Variants in DNAH11 observed in about 807,000 individuals in gnomAD.
DNAH11 encodes the protein axonemal beta dynein heavy chain 11.
DNAH11 carries 442 observed loss-of-function variants against 526.0 expected under a neutral mutation model. That is an observed-to-expected ratio of 0.84 (90% CI 0.78 to 0.91). The LOEUF is 0.91. DNAH11 is among the 40% of genes least tolerant of loss of function. The pLI is 0.00. For missense variants in DNAH11, 6,989 were observed against 5,448.7 expected, an observed-to-expected ratio of 1.28 and a Z score of -8.90; for synonymous variants, 2,461 against 1,935.9, an observed-to-expected ratio of 1.27 and a Z score of -7.12.
At chr7:21,840,906 G>T (rs1171638616) in intron 65 of DNAH11, among the ~76,000 whole-genome samples, 1 of 152,196 alleles carries the variant, frequency 6.6e-6, no homozygotes, top group Admixed American at 6.5e-5. Context: ...GTTGGGCTGG[G>T]TGAGGTGCCT....
chr7:21,855,095 G>A (rs10255090), intron 68 of DNAH11, among the ~76,000 whole-genome samples: 13,985 of 144,542 alleles, frequency 0.097, 1,990 homozygotes, highest in African/African-American at 0.3. Context: ...GCAGTGGCGC[G>A]ATCTTGGCTC....
In DNAH11 at chr7:21,543,345, G is replaced by T. The variant is rs2285943; in HGVS notation, c.100G>T (p.Glu34Ter). Residue 34 changes from glutamate to a stop codon, truncating the protein, a stop_gained, in exon 1 of 82, where the codon GAG becomes TAG. Transcript: ENST00000409508. LOFTEE classifies it high-confidence loss of function. ...CGGCCTGGAGGCAGTGGGCGCTGTG[G>T]AGCTCGAGGAGGAGGAGGAGAACGA... ...GAGLEAVGAV[E>*]LEEEEENEEE... The T allele has an allele frequency of 0.48, 745,869 of 1,550,748 alleles. 181,832 individuals are homozygous for T. The highest frequency in any genetic ancestry group is 0.55 in the Middle Eastern group (3,239 of 5,880).
chr7:21,806,275 T>C (rs913866254), intron 62 of DNAH11, among the ~76,000 whole-genome samples: 2 of 152,240 alleles, frequency 1.3e-5, no homozygotes, highest in African/African-American at 4.8e-5. Flanking sequence ...ATACATTTTA[T>C]TGTTTATCCT....
At chr7:21,660,801 A>C (rs946956430) in intron 30 of DNAH11, among the ~76,000 whole-genome samples, 145 of 152,240 alleles carry the variant, frequency 9.5e-4, no homozygotes, top group African/African-American at 3.4e-3. Context: ...GTCTATAGAT[A>C]CACATTTTAA....
In DNAH11 at chr7:21,710,046, G is replaced by A. The variant is rs60211479; in HGVS notation, c.6684-507G>A. ...GTTTTTGCCTATACATCTTGTTAAG[G>A]AATGATGAGTTAGTATCCCAGTGAA... On this transcript the variant is annotated intron_variant, in intron 40 of 81. Transcript: ENST00000409508. Among the ~76,000 whole-genome samples, 1,906 of 152,284 alleles carry A rather than the reference G, an allele frequency of 0.013. 117 individuals carry two copies. The East Asian group carries it at 0.2, about 16-fold the overall frequency.
At chr7:21,818,817 G>T (rs1583732656) in intron 65 of DNAH11, among the ~76,000 whole-genome samples, 1 of 152,128 alleles carries the variant, frequency 6.6e-6, no homozygotes, top group African/African-American at 2.4e-5. Context: ...GAAAAGGAGA[G>T]TTCATTAGTG....
intron 39 of DNAH11, among the ~76,000 whole-genome samples, chr7:21,706,201 A>G (rs1784256169): frequency 6.6e-6 from 1 of 152,036 alleles, no homozygotes; most frequent in Non-Finnish European, 1.5e-5. Context: ...TACTATGGGT[A>G]TTATTATCCC....
intron 30 of DNAH11, among the ~76,000 whole-genome samples, chr7:21,672,723 T>G (rs527251292): frequency 6.6e-6 from 1 of 152,320 alleles, no homozygotes; most frequent in South Asian, 2.1e-4. Flanking sequence ...AAGATTTTTT[T>G]TCTTTGTTGC....
At chr7:21,609,007 T>C (rs550761341) in intron 20 of DNAH11, among the ~76,000 whole-genome samples, 10 of 152,176 alleles carry the variant, frequency 6.6e-5, no homozygotes, top group African/African-American at 2.4e-4. Context: ...TGGTGGACCC[T>C]GGTTCTGAAG....
Position 21,798,132 on chromosome 7 carries a change from C to T in DNAH11, c.10027-3005C>T, listed in dbSNP as rs185246760. On this transcript the variant is annotated intron_variant, in intron 61 of 81. Coordinates refer to ENST00000409508, the MANE Select transcript of DNAH11 (RefSeq NM_001277115.2). ...TCATTCATTTGAGACAGTGTCATTC[C>T]GTCACCCAGGTTGGAGTGCAGTGGC... Among the ~76,000 whole-genome samples, 37 of 152,264 alleles carry T rather than the reference C, an allele frequency of 2.4e-4. No individual in the cohort carries two copies. The East Asian group carries it at 2.9e-3, about 12-fold the overall frequency.
chr7:21,601,902 A>G (rs1455800206), intron 18 of DNAH11, among the ~76,000 whole-genome samples: 1 of 152,074 alleles, frequency 6.6e-6, no homozygotes, highest in African/African-American at 2.4e-5. Context: ...GATTGTAAAG[A>G]ACCTATGAGT....
rs372264255 is a variant in DNAH11, at chr7:21,711,724, G to A, written c.6847G>A (p.Ala2283Thr). Reference sequence around the variant, plus strand: ...CTGCTCACTCCAGGTGCTGACCCTCGCCAGCAATGAGCGCATTGCACTCAC... The same window carrying A: ...CTGCTCACTCCAGGTGCTGACCCTCACCAGCAATGAGCGCATTGCACTCAC... Reference protein sequence around the residue: ...VMDDNKVLTLASNERIALTPF... With the variant: ...VMDDNKVLTLTSNERIALTPF... The change falls in exon 42 of 82, where the codon GCC becomes ACC. Residue 2283 changes from alanine (A) to threonine (T), a missense_variant. By Grantham distance (58) the Ala-to-Thr change is moderately conservative. Coordinates refer to ENST00000409508, the MANE Select transcript of DNAH11 (RefSeq NM_001277115.2). The A allele has an allele frequency of 8.2e-5, 133 of 1,613,392 alleles. No individual in the cohort carries two copies. In the East Asian group the frequency reaches 1.1e-3, roughly 13 times the overall value.
In DNAH11 at chr7:21,873,258, C is replaced by T; in HGVS notation, c.11968-16C>T. ...GCCTCACCTTCACAGGAATTATGCA[C>T]CATGCTATCTTTCAGAATGTTCATT... On this transcript the variant is annotated splice_polypyrimidine_tract_variant and intron_variant, in intron 73 of 81. Coordinates refer to ENST00000409508, the MANE Select transcript of DNAH11 (RefSeq NM_001277115.2). 1 of 1,554,000 alleles carries T rather than the reference C, an allele frequency of 6.4e-7. No individual in the cohort carries two copies. Among genetic ancestry groups the T allele is most frequent in the Non-Finnish European group, 8.7e-7 (1 of 1,143,278 alleles).
At chr7:21,625,631 T>G (rs1310216172) in intron 25 of DNAH11, among the ~76,000 whole-genome samples, 2 of 152,160 alleles carry the variant, frequency 1.3e-5, no homozygotes, top group Admixed American at 6.5e-5. Context: ...TTGTAAACAC[T>G]TATTGCTAAA....
intron 25 of DNAH11, among the ~76,000 whole-genome samples, chr7:21,634,967 A>G (rs1468725636): frequency 6.6e-6 from 1 of 152,234 alleles, no homozygotes; most frequent in Non-Finnish European, 1.5e-5. Context: ...TAATTTAAAC[A>G]TGAGAAACAA....
chr7:21,725,937 G>A lies in DNAH11; in HGVS notation c.7393G>A (p.Ala2465Thr), dbSNP rs1237080108. 6.4e-7 allele frequency: 1 copy of A among 1,564,116 alleles called. No homozygotes were observed. Among genetic ancestry groups the A allele is most frequent in the South Asian group, 1.2e-5 (1 of 84,834 alleles). The change falls in exon 45 of 82, where the codon GCT (alanine) becomes ACT (threonine). Residue 2465 changes from alanine (A) to threonine (T), a missense_variant. Transcript: ENST00000409508. ...CAAAACTAAGAAATTATTGCCCTGG[G>A]CTGACAAAATTGCCCAGTTTACTAT... ...DHKTKKLLPW[A>T]DKIAQFTMDP... is the part of the protein sequence containing the mutation.
At chr7:21,564,144 A>AC in intron 5 of DNAH11, 42 bp from the exon 6 acceptor site, 1 of 1,466,622 alleles carries the variant, frequency 6.8e-7, no homozygotes, top group South Asian at 1.5e-5. Flanking sequence ...AAAAAAAAAA[A>AC]AACAAACCAG....
chr7:21,555,862 C>T (rs956524588), intron 2 of DNAH11, among the ~76,000 whole-genome samples: 7 of 152,120 alleles, frequency 4.6e-5, no homozygotes, highest in Admixed American at 6.5e-5. Flanking sequence ...TCTGCACAGG[C>T]ACAGAGATCC....
intron 79 of DNAH11, among the ~76,000 whole-genome samples, chr7:21,898,515 C>G (rs759947695): frequency 6.6e-5 from 10 of 152,218 alleles, no homozygotes; most frequent in Non-Finnish European, 1.0e-4. Context: ...CAGTGCCAGC[C>G]TTTCCTTCTA....
Sources: gnomAD v4.1 joint callset for allele counts (sites outside exome capture counted in the v4.1 genomes callset) on GRCh38, gnomAD v4.1.1 for gene constraint, MANE v1.5 for transcripts, NCBI Gene and HGNC (gene_info 2026-07-23, HGNC 2026-07-21) for gene names.